Variants in CMSS1 observed in about 807,000 individuals in gnomAD.
The protein encoded by CMSS1 is cms1 ribosomal small subunit homolog, also known as protein CMSS1.
CMSS1 carries 33 observed loss-of-function variants against 43.5 expected under a neutral mutation model. The observed-to-expected ratio is 0.76, with a 90% confidence interval of 0.57 to 1.01. The LOEUF (loss-of-function observed/expected upper bound fraction) is 1.01, where lower values mean the gene tolerates loss of function less well. CMSS1 is among the 50% of genes least tolerant of loss of function. The pLI is 0.00. For missense variants in CMSS1, 313 were observed against 326.4 expected (o/e 0.96, Z 0.32); for synonymous variants, 115 against 117.2 (o/e 0.98, Z 0.12).
At chr3:100,017,051 CAT>C (rs914939991) in intron 1 of CMSS1, among the ~76,000 whole-genome samples, 9 of 152,194 alleles carry the variant, frequency 5.9e-5, no homozygotes, top group South Asian at 2.1e-4. Flanking sequence ...CAGTTTCTCA[CAT>C]GTGTGTATAA....
intron 1 of CMSS1, among the ~76,000 whole-genome samples, chr3:99,864,318 A>G (rs1944406905): frequency 6.6e-6 from 1 of 152,184 alleles, no homozygotes; most frequent in African/African-American, 2.4e-5. Flanking sequence ...CTTGGCTTAT[A>G]AAGAGAAGGA....
chr3:100,115,557 T>TTCTCTCTCTCTCTCTCTGTCTC (rs1559762511), intron 1 of CMSS1, among the ~76,000 whole-genome samples: 1 of 75,196 alleles, frequency 1.3e-5, no homozygotes, highest in Non-Finnish European at 3.1e-5. Context: ...CTCTTTCTCT[T>TTCTCTCTCTCTCTCTCTGTCTC]TCTCTCTCTC....
At chr3:100,096,924 A>C (rs1426949118) in intron 1 of CMSS1, among the ~76,000 whole-genome samples, 1 of 152,232 alleles carries the variant, frequency 6.6e-6, no homozygotes, top group Non-Finnish European at 1.5e-5. Context: ...TAAAAATAAA[A>C]AAATTTTAAA....
intron 1 of CMSS1, among the ~76,000 whole-genome samples, chr3:99,818,875 C>G (rs1332054724): frequency 1.3e-5 from 2 of 152,222 alleles, no homozygotes; most frequent in Non-Finnish European, 2.9e-5. Context: ...AAGTGACCCC[C>G]CATGTCAGGC....
At position 100,179,015 on chromosome 3, in the gene CMSS1, A is replaced by G; in HGVS notation, c.*627A>G. 6.3e-6 allele frequency: 1 copy of G among 157,688 alleles called. No homozygotes were observed. The highest frequency in any genetic ancestry group is 1.4e-5 in the Non-Finnish European group (1 of 72,492). 9.8% of individuals were successfully genotyped at this position (157,688 alleles called of 1,614,324 possible). ...AGCAAGCACATCTTCACATGGCGAC[A>G]AGAGAGCAAGAGAGTGAAGGGAGAA... On this transcript the variant is annotated 3_prime_UTR_variant, in exon 10 of 10. Coordinates refer to ENST00000421999, the MANE Select transcript of CMSS1 (RefSeq NM_032359.4).
chr3:100,108,486 T>C (rs764424690), intron 1 of CMSS1, among the ~76,000 whole-genome samples: 2 of 152,172 alleles, frequency 1.3e-5, no homozygotes, highest in Non-Finnish European at 2.9e-5. Context: ...TGAAATGGAA[T>C]TAGAAGCCAG....
chr3:100,066,689 G>A (rs1341772948), intron 1 of CMSS1, among the ~76,000 whole-genome samples: 1 of 131,790 alleles, frequency 7.6e-6, no homozygotes, highest in Non-Finnish European at 1.7e-5. Context: ...CCGCCACTAC[G>A]CCCGGCTAAT....
chr3:99,853,491 G>C (rs778519944), intron 1 of CMSS1, among the ~76,000 whole-genome samples: 3 of 152,218 alleles, frequency 2.0e-5, no homozygotes, highest in Non-Finnish European at 4.4e-5. Context: ...TATTAAAAGG[G>C]AATGGTGATT....
At chr3:99,977,238 G>A (rs1708999090) in intron 1 of CMSS1, among the ~76,000 whole-genome samples, 1 of 152,176 alleles carries the variant, frequency 6.6e-6, no homozygotes, top group Non-Finnish European at 1.5e-5. Context: ...CTATATCACA[G>A]TGGAGCTGAT....
chr3:100,117,866 T>C (rs1340377316), intron 1 of CMSS1, among the ~76,000 whole-genome samples: 2 of 140,300 alleles, frequency 1.4e-5, no homozygotes, highest in Non-Finnish European at 3.1e-5. Flanking sequence ...TATATATATA[T>C]ATATATATAT....
At chr3:100,035,276 A>G (rs1303653419) in intron 1 of CMSS1, among the ~76,000 whole-genome samples, 2 of 151,932 alleles carry the variant, frequency 1.3e-5, no homozygotes, top group African/African-American at 4.8e-5. Flanking sequence ...AATTATTAGT[A>G]TTATTATTAT....
intron 1 of CMSS1, chr3:99,849,600 C>T (rs1368519081): frequency 1.2e-6 from 2 of 1,613,476 alleles, no homozygotes; most frequent in Non-Finnish European, 1.7e-6. Flanking sequence ...TGGTCTCTGT[C>T]TTTTCTGCTA....
chr3:100,126,183 C>T (rs1382256285), intron 1 of CMSS1, among the ~76,000 whole-genome samples: 1 of 152,048 alleles, frequency 6.6e-6, no homozygotes, highest in Non-Finnish European at 1.5e-5. Context: ...CTTTGACTTT[C>T]GTAATGGAAT....
At chr3:100,013,509 G>A (rs1710228666) in intron 1 of CMSS1, among the ~76,000 whole-genome samples, 1 of 152,236 alleles carries the variant, frequency 6.6e-6, no homozygotes, top group South Asian at 2.1e-4. Flanking sequence ...CTCCCAAAGT[G>A]CTGGGATTAC....
intron 1 of CMSS1, among the ~76,000 whole-genome samples, chr3:100,023,748 C>G (rs1472716331): frequency 6.6e-6 from 1 of 152,110 alleles, no homozygotes; most frequent in Non-Finnish European, 1.5e-5. Flanking sequence ...CTCGCCATTG[C>G]AAACTAGTAT....
chr3:99,991,958 GTGTGTATATATACACACATATA>G (rs1465278244), intron 1 of CMSS1, among the ~76,000 whole-genome samples: 6 of 147,100 alleles, frequency 4.1e-5, no homozygotes, highest in South Asian at 2.1e-4. Context: ...GTGTATATAT[GTGTGTATATATACACACATATA>G]TGTGTATATA....
At chr3:100,042,355 T>C (rs1559736870) in intron 1 of CMSS1, among the ~76,000 whole-genome samples, 1 of 152,240 alleles carries the variant, frequency 6.6e-6, no homozygotes, top group Non-Finnish European at 1.5e-5. Context: ...ACATTGGCTC[T>C]GTGACCAGCC....
At chr3:99,880,872 C>T (rs1386440619) in intron 1 of CMSS1, among the ~76,000 whole-genome samples, 1 of 152,000 alleles carries the variant, frequency 6.6e-6, no homozygotes, top group East Asian at 1.9e-4. Flanking sequence ...TGGATGGACC[C>T]TGTATGTGTA....
chr3:100,114,711 C>G (rs1263593855), intron 1 of CMSS1, among the ~76,000 whole-genome samples: 1 of 152,128 alleles, frequency 6.6e-6, no homozygotes, highest in Non-Finnish European at 1.5e-5. Flanking sequence ...ATATTGTGAA[C>G]CACAGACAGC....
Sources: gnomAD v4.1 joint callset for allele counts (sites outside exome capture counted in the v4.1 genomes callset) on GRCh38, gnomAD v4.1.1 for gene constraint, MANE v1.5 for transcripts, NCBI Gene and HGNC (gene_info 2026-07-23, HGNC 2026-07-21) for gene names.